EXTL3: variants seen among roughly 807,000 people sequenced by gnomAD.
EXTL3 encodes exostosin like glycosyltransferase 3.
A neutral mutation model predicts 69.3 loss-of-function variants in EXTL3; 27 were observed. That is an observed-to-expected ratio of 0.39 (90% CI 0.29 to 0.54). The LOEUF (loss-of-function observed/expected upper bound fraction) is 0.54, where lower values mean the gene tolerates loss of function less well. Among genes scored for constraint, EXTL3 ranks in the 20% least tolerant of loss-of-function variants. The probability of loss-of-function intolerance (pLI) is 0.69; values close to 1 mark genes in which losing one functional copy is unlikely to be tolerated. For synonymous variants in EXTL3, 511 were observed against 499.4 expected, an observed-to-expected ratio of 1.02 and a Z score of -0.31; for missense variants, 1,003 against 1,231.8, an observed-to-expected ratio of 0.81 and a Z score of 2.78.
chr8:28,718,342 A>G (rs1415732633), intron 3 of EXTL3, 135 bp downstream of exon 3: 7 of 898,754 alleles, frequency 7.8e-6, no homozygotes, highest in African/African-American at 4.9e-5. Flanking sequence ...AAAAACCTGT[A>G]TAGATTCCTT....
intron 1 of EXTL3, among the ~76,000 whole-genome samples, chr8:28,631,882 G>A (rs573721964): frequency 6.6e-6 from 1 of 152,074 alleles, no homozygotes; most frequent in African/African-American, 2.4e-5. Flanking sequence ...AAAGTCAAGA[G>A]ATCGAGACCA....
intron 1 of EXTL3, among the ~76,000 whole-genome samples, chr8:28,636,015 C>T (rs564157881): frequency 7.2e-5 from 11 of 152,060 alleles, no homozygotes; most frequent in South Asian, 6.2e-4. Context: ...TCACTGCCCC[C>T]GGCCGAGGAT....
At position 28,718,225 on chromosome 8, in the gene EXTL3, A is replaced by T; in HGVS notation, c.2148+18A>T. On this transcript the variant is annotated intron_variant, in intron 3 of 6. Coordinates refer to ENST00000220562, the MANE Select transcript of EXTL3 (RefSeq NM_001440.4). ...CCATCATGGTAATAGAGAAACGAAC[A>T]GTTCGTTTTGGTGCATGAAATAGTA... is the stretch of plus-strand genomic sequence containing the variant. 6.2e-7 allele frequency: 1 copy of T among 1,607,974 alleles called. No homozygotes were observed. The highest frequency in any genetic ancestry group is 8.5e-7 in the Non-Finnish European group (1 of 1,174,512).
chr8:28,613,523 T>A (rs978162218), intron 2 of EXTL3, among the ~76,000 whole-genome samples: 2 of 152,224 alleles, frequency 1.3e-5, no homozygotes, highest in Non-Finnish European at 2.9e-5. Flanking sequence ...GTACTCCCGC[T>A]GCTTCTATTT....
chr8:28,686,697 T>A (rs879847339), intron 1 of EXTL3, among the ~76,000 whole-genome samples: 16 of 152,062 alleles, frequency 1.1e-4, no homozygotes, highest in Non-Finnish European at 2.1e-4. Flanking sequence ...TTTAGAAAAA[T>A]TAACTCTAGG....
chr8:28,751,135 C>A lies in EXTL3; in HGVS notation c.*269C>A. 1 of 507,740 alleles carries A rather than the reference C, an allele frequency of 2.0e-6. No homozygotes were observed. 31.5% of individuals were successfully genotyped at this position (507,740 alleles called of 1,614,324 possible). A position where few individuals can be genotyped will look rare whatever the true frequency, so the allele number is the denominator to read the frequency against. On this transcript the variant is annotated 3_prime_UTR_variant, in exon 7 of 7. Transcript: ENST00000220562. ...GAGGACTGTGGCGACTCTGCAGAGT[C>A]ACTCACACCGTTCGTACGCCCAGGA...
At chr8:28,668,052 C>T (rs112383581) in intron 1 of EXTL3, among the ~76,000 whole-genome samples, 2,334 of 151,578 alleles carry the variant, frequency 0.015, 57 homozygotes, top group African/African-American at 0.054. Context: ...CTCTTGAGTC[C>T]AGGAGTTCAA....
chr8:28,677,045 G>A (rs1036232437), intron 1 of EXTL3, among the ~76,000 whole-genome samples: 4 of 152,144 alleles, frequency 2.6e-5, no homozygotes, highest in African/African-American at 9.7e-5. Flanking sequence ...GGAAGTTTCT[G>A]AGGATGTAAG....
chr8:28,630,987 C>G (rs1341668138), intron 1 of EXTL3, among the ~76,000 whole-genome samples: 1 of 152,178 alleles, frequency 6.6e-6, no homozygotes, highest in Non-Finnish European at 1.5e-5. Context: ...AGCAGTGAAG[C>G]AGAAATAAAT....
chr8:28,723,640 G>GTTTTTTTT (rs34831917), intron 3 of EXTL3, among the ~76,000 whole-genome samples: 1 of 120,930 alleles, frequency 8.3e-6, no homozygotes. Flanking sequence ...GCTCAGGACT[G>GTTTTTTTT]TTTTTTTTTT....
In EXTL3 at chr8:28,747,735, T is replaced by C. The variant is rs563595137; in HGVS notation, c.2551-2922T>C. 3.6e-4 allele frequency among the ~76,000 whole-genome samples: 51 copies of C among 142,944 alleles called. 2 individuals are homozygous for C. The South Asian group carries it at 0.01, about 28-fold the overall frequency. 93.8% of individuals were successfully genotyped at this position (142,944 alleles called of 152,430 possible). On this transcript the variant is annotated intron_variant, in intron 6 of 6. Coordinates refer to ENST00000220562, the MANE Select transcript of EXTL3 (RefSeq NM_001440.4). ...TATGTATTTTTTCTTTTTCTTTTTT[T>C]TTTTTTTTTTTGAGATGGAGCCTCG...
chr8:28,642,462 A>T (rs1195071529), intron 1 of EXTL3, among the ~76,000 whole-genome samples: 1 of 151,286 alleles, frequency 6.6e-6, no homozygotes, highest in African/African-American at 2.4e-5. Context: ...AAAAAAAAAA[A>T]AAAATTAGGG....
At chr8:28,652,039 C>CTG (rs34231513) in intron 1 of EXTL3, among the ~76,000 whole-genome samples, 44,793 of 145,054 alleles carry the variant, frequency 0.31, 6,717 homozygotes, top group African/African-American at 0.4. Flanking sequence ...GTGTGTGTGT[C>CTG]TGTGTGTGTG....
At chr8:28,703,098 C>G (rs1703157021) in intron 1 of EXTL3, among the ~76,000 whole-genome samples, 1 of 152,182 alleles carries the variant, frequency 6.6e-6, no homozygotes, top group Non-Finnish European at 1.5e-5. Flanking sequence ...GGGAATTTCC[C>G]ATTCGTTTGC....
chr8:28,649,709 A>G (rs527333794), intron 1 of EXTL3, among the ~76,000 whole-genome samples: 5 of 152,242 alleles, frequency 3.3e-5, no homozygotes, highest in South Asian at 4.1e-4. Flanking sequence ...CAGTGTGTAG[A>G]TAAGTTTAAT....
intron 1 of EXTL3, among the ~76,000 whole-genome samples, chr8:28,672,810 T>C (rs1807318227): frequency 6.6e-6 from 1 of 152,216 alleles, no homozygotes; most frequent in African/African-American, 2.4e-5. Context: ...ATGGTTTGGC[T>C]GTGTCCCCAT....
chr8:28,621,710 C>G (rs936085897), upstream of EXTL3, among the ~76,000 whole-genome samples: 1 of 152,206 alleles, frequency 6.6e-6, no homozygotes, highest in African/African-American at 2.4e-5. Context: ...TTAGTCCCAA[C>G]CACTCAGAAA....
chr8:28,711,087 G>T (rs1040996229), intron 1 of EXTL3, among the ~76,000 whole-genome samples: 17 of 152,300 alleles, frequency 1.1e-4, no homozygotes, highest in Middle Eastern at 3.4e-3. Context: ...ATTCCCTATT[G>T]GATGAGTTGT....
intron 1 of EXTL3, among the ~76,000 whole-genome samples, chr8:28,650,713 C>T (rs1473160506): frequency 2.0e-5 from 3 of 151,986 alleles, no homozygotes; most frequent in Non-Finnish European, 2.9e-5. Context: ...TTCTTATGTC[C>T]GTCTGATGCC....
Sources: allele counts gnomAD v4.1 joint callset (sites outside exome capture counted in the v4.1 genomes callset), GRCh38; gene constraint gnomAD v4.1.1; transcripts MANE v1.5; gene names NCBI Gene and HGNC (gene_info 2026-07-23, HGNC 2026-07-21).